KCNH7: variants seen among roughly 807,000 people sequenced by gnomAD.
The protein encoded by KCNH7 is potassium voltage-gated channel subfamily H member 7.
In KCNH7, 49 loss-of-function variants were observed where a neutral mutation model predicts 120.8. The ratio of observed to expected loss-of-function variants is 0.41; its 90% confidence interval spans 0.32 to 0.51. KCNH7 has a LOEUF of 0.51. KCNH7 is among the 20% of genes least tolerant of loss of function. The pLI, the probability that KCNH7 is intolerant of heterozygous loss-of-function variation, is 0.38. For missense variants in KCNH7, 1,097 were observed against 1,446.6 expected (o/e 0.76, Z 3.92); for synonymous variants, 547 against 516.1 (o/e 1.06, Z -0.81).
At chr2:162,836,443 A>C (rs1372820924) in intron 2 of KCNH7, 94 bp downstream of exon 2, 1 of 881,634 alleles carries the variant, frequency 1.1e-6, no homozygotes, top group East Asian at 2.6e-5. Flanking sequence ...TCTACAATTG[A>C]ACATTTTGGG....
At chr2:162,710,780 T>C (rs141481304) in intron 2 of KCNH7, among the ~76,000 whole-genome samples, 2 of 152,300 alleles carry the variant, frequency 1.3e-5, no homozygotes, top group African/African-American at 4.8e-5. Flanking sequence ...TTTCTGAATA[T>C]AGACTTAGTG....
At chr2:162,562,729 T>C (rs1254500543) in intron 2 of KCNH7, among the ~76,000 whole-genome samples, 1 of 152,186 alleles carries the variant, frequency 6.6e-6, no homozygotes, top group East Asian at 1.9e-4. Context: ...AATAAAGCGA[T>C]GGAATCTTGC....
At chr2:162,789,497 A>G (rs1293871757) in intron 2 of KCNH7, among the ~76,000 whole-genome samples, 2 of 152,052 alleles carry the variant, frequency 1.3e-5, no homozygotes. Context: ...GAACAACACT[A>G]TAGACCAAAT....
chr2:162,382,469 T>C (rs1326864066), intron 13 of KCNH7, among the ~76,000 whole-genome samples: 1 of 152,082 alleles, frequency 6.6e-6, no homozygotes, highest in Admixed American at 6.6e-5. Context: ...GTTGCTATAG[T>C]TGCAAGACAC....
chr2:162,591,330 C>A (rs941431351), intron 2 of KCNH7, among the ~76,000 whole-genome samples: 1 of 151,964 alleles, frequency 6.6e-6, no homozygotes, highest in East Asian at 1.9e-4. Flanking sequence ...TTCTCCTCAG[C>A]GCTTATAACT....
intron 2 of KCNH7, among the ~76,000 whole-genome samples, chr2:162,669,830 T>A (rs1472113722): frequency 1.3e-5 from 2 of 152,142 alleles, no homozygotes; most frequent in Non-Finnish European, 2.9e-5. Context: ...CCGGGAGCGG[T>A]GGCTCACACC....
chr2:162,463,366 C>G (rs986559024), intron 6 of KCNH7, among the ~76,000 whole-genome samples: 1 of 151,466 alleles, frequency 6.6e-6, no homozygotes, highest in African/African-American at 2.4e-5. Flanking sequence ...CCTTTCTTCC[C>G]TTTTTTTCTC....
chr2:162,811,548 T>C (rs367971103), intron 2 of KCNH7, among the ~76,000 whole-genome samples: 1 of 152,260 alleles, frequency 6.6e-6, no homozygotes, highest in African/African-American at 2.4e-5. Flanking sequence ...GGTTTGTATC[T>C]AGGCCTCGGA....
chr2:162,434,850 G>A (rs1688186608), intron 8 of KCNH7, among the ~76,000 whole-genome samples: 1 of 151,874 alleles, frequency 6.6e-6, no homozygotes, highest in Non-Finnish European at 1.5e-5. Flanking sequence ...TAGTGTAAAT[G>A]AGTATTTCCC....
At chr2:162,558,319 T>G (rs1268669885) in intron 2 of KCNH7, among the ~76,000 whole-genome samples, 1 of 151,880 alleles carries the variant, frequency 6.6e-6, no homozygotes, top group Non-Finnish European at 1.5e-5. Context: ...GGACTACAGG[T>G]GCCCGCCACC....
At position 162,373,419 on chromosome 2, in the gene KCNH7, C is replaced by T. The variant is rs556260359; in HGVS notation, c.3324+51G>A. The T allele has an allele frequency of 4.0e-5, 53 of 1,309,278 alleles. No individual in the cohort carries two copies. In the South Asian group the frequency reaches 9.9e-4, roughly 24 times the overall value. The allele number at this position is 1,309,278 out of a possible 1,614,324, so 81.1% of individuals were successfully genotyped here. On this transcript the variant is annotated intron_variant, in intron 15 of 15. Coordinates refer to ENST00000332142, the MANE Select transcript of KCNH7 (RefSeq NM_033272.4). ...CCAAGTGATTCTGATTAGGTGACCC[C>T]TGGAAACACACTGTGAGAGACACTC...
chr2:162,524,091 T>A lies in KCNH7; in HGVS notation c.464-5933A>T, dbSNP rs1159215720. Reference sequence around the variant, plus strand: ...GGTGGGAGGGTATCTTAGATTGGATTCCTGAAAGTAGATTGTGAAAAGGCT... The same window carrying A: ...GGTGGGAGGGTATCTTAGATTGGATACCTGAAAGTAGATTGTGAAAAGGCT... On this transcript the variant is annotated intron_variant, in intron 3 of 15. Transcript: ENST00000332142. Among the ~76,000 whole-genome samples the A allele has an allele frequency of 2.4e-4, 36 of 151,940 alleles. 1 individual carries two copies. Among genetic ancestry groups the A allele is most frequent in the Admixed American group, 2.4e-3 (36 of 15,248 alleles).
chr2:162,477,425 T>C (rs992700880), intron 6 of KCNH7, among the ~76,000 whole-genome samples: 1 of 152,178 alleles, frequency 6.6e-6, no homozygotes, highest in African/African-American at 2.4e-5. Flanking sequence ...TTTCCAGTTC[T>C]TAGGCAAGCC....
At chr2:162,397,847 A>C (rs931276965) in intron 10 of KCNH7, among the ~76,000 whole-genome samples, 2 of 151,884 alleles carry the variant, frequency 1.3e-5, no homozygotes, top group Admixed American at 1.3e-4. Flanking sequence ...AAAGAGATAA[A>C]CTGATTAGCC....
chr2:162,783,345 G>T (rs938984836), intron 2 of KCNH7, among the ~76,000 whole-genome samples: 10 of 152,060 alleles, frequency 6.6e-5, no homozygotes, highest in African/African-American at 2.2e-4. Context: ...GCTTGGACCT[G>T]CCTGAAATAG....
At chr2:162,723,706 T>A (rs1161711557) in intron 2 of KCNH7, among the ~76,000 whole-genome samples, 2 of 152,180 alleles carry the variant, frequency 1.3e-5, no homozygotes, top group Non-Finnish European at 2.9e-5. Context: ...GAAATTCAAA[T>A]ATATTTAAAA....
intron 2 of KCNH7, among the ~76,000 whole-genome samples, chr2:162,676,414 C>T (rs927972455): frequency 1.3e-5 from 2 of 151,376 alleles, no homozygotes; most frequent in African/African-American, 4.8e-5. Flanking sequence ...TTATTTGTTT[C>T]TGAAATAATT....
chr2:162,737,193 T>C (rs1687944538), intron 2 of KCNH7, among the ~76,000 whole-genome samples: 1 of 152,154 alleles, frequency 6.6e-6, no homozygotes, highest in Non-Finnish European at 1.5e-5. Flanking sequence ...GTGATCCTGG[T>C]CTGTATGAGT....
At chr2:162,553,736 C>T (rs903250410) in intron 2 of KCNH7, among the ~76,000 whole-genome samples, 3 of 152,096 alleles carry the variant, frequency 2.0e-5, no homozygotes, top group Admixed American at 6.6e-5. Context: ...AAAAGGTTTG[C>T]GGAAAATATG....
Sources: gnomAD v4.1 joint callset for allele counts (sites outside exome capture counted in the v4.1 genomes callset) on GRCh38, gnomAD v4.1.1 for gene constraint, MANE v1.5 for transcripts, NCBI Gene and HGNC (gene_info 2026-07-23, HGNC 2026-07-21) for gene names.